The following RFT1 variants were observed in gnomAD, a reference collection of about 807,000 sequenced individuals.
The protein encoded by RFT1 is man(5)GlcNAc(2)-PP-dolichol translocation protein RFT1.
In RFT1, 43 loss-of-function variants were observed where a neutral mutation model predicts 62.2. The observed-to-expected ratio is 0.69, with a 90% confidence interval of 0.54 to 0.89. The LOEUF is 0.89. Ranked by LOEUF, RFT1 falls within the 40% of genes least tolerant of loss-of-function variation. The pLI is 0.00. For synonymous variants in RFT1, 262 were observed against 264.6 expected (o/e 0.99, Z 0.10); for missense variants, 605 against 649.9 (o/e 0.93, Z 0.75).
intron 2 of RFT1, among the ~76,000 whole-genome samples, chr3:53,125,637 T>G (rs1032536197): frequency 6.6e-5 from 10 of 152,264 alleles, no homozygotes; most frequent in African/African-American, 2.4e-4. Context: ...TTCTCCTTCC[T>G]GACTTCCAAG....
At chr3:53,067,203 G>T in the RFT1 span, among the ~76,000 whole-genome samples, 1 of 152,072 alleles carries the variant, frequency 6.6e-6, no homozygotes, top group African/African-American at 2.4e-5. Flanking sequence ...AAAATCAGCC[G>T]GGCACGGTGG....
chr3:53,100,985 C>T (rs1256933270), intron 10 of RFT1, among the ~76,000 whole-genome samples: 3 of 151,796 alleles, frequency 2.0e-5, no homozygotes, highest in Middle Eastern at 3.2e-3. Context: ...AAACACATAA[C>T]CACTGAAAGA....
At chr3:53,072,915 CTGCCTGCTCTAG>C in the RFT1 span, among the ~76,000 whole-genome samples, 6,057 of 152,342 alleles carry the variant, frequency 0.04, 417 homozygotes, top group African/African-American at 0.14. Context: ...ACCGCCCTCT[CTGCCTGCTCTAG>C]TGCCTGCCGC....
At chr3:53,130,154 C>T (rs1011480981) in intron 1 of RFT1, among the ~76,000 whole-genome samples, 184 bp downstream of exon 1, 10 of 152,236 alleles carry the variant, frequency 6.6e-5, no homozygotes, top group African/African-American at 2.2e-4. Flanking sequence ...AGGCAGGCTC[C>T]TATCTCCGGG....
At chr3:53,074,598 G>A in the RFT1 span, among the ~76,000 whole-genome samples, 482 of 152,258 alleles carry the variant, frequency 3.2e-3, 8 homozygotes, top group East Asian at 0.021. Flanking sequence ...CCTGGGCCCA[G>A]GTTGGCAGAG....
chr3:53,117,225 T>C (rs998194284), intron 6 of RFT1, among the ~76,000 whole-genome samples: 3 of 152,248 alleles, frequency 2.0e-5, no homozygotes, highest in African/African-American at 7.2e-5. Context: ...GTGTAGTGCA[T>C]GGCACAAAAC....
At chr3:53,083,952 TTCTTG>T (rs1376533741), downstream of RFT1, among the ~76,000 whole-genome samples, 1 of 152,266 alleles carries the variant, frequency 6.6e-6, no homozygotes, top group African/African-American at 2.4e-5. Flanking sequence ...GTTCATAAAA[TTCTTG>T]TGTTAATGTC....
At chr3:53,127,190 G>A (rs543595680) in intron 1 of RFT1, among the ~76,000 whole-genome samples, 150 of 152,198 alleles carry the variant, frequency 9.9e-4, no homozygotes, top group Admixed American at 4.1e-3. Context: ...GCCGAGGCGG[G>A]TGGATCAACT....
At chr3:53,087,333 C>A (rs935165979), downstream of RFT1, among the ~76,000 whole-genome samples, 2 of 152,122 alleles carry the variant, frequency 1.3e-5, no homozygotes, top group Non-Finnish European at 2.9e-5. Flanking sequence ...TAAGACTAGG[C>A]CAGGGATCAT....
At chr3:53,084,818 AT>A (rs1700824596), downstream of RFT1, among the ~76,000 whole-genome samples, 1 of 152,190 alleles carries the variant, frequency 6.6e-6, no homozygotes, top group Admixed American at 6.5e-5. Context: ...GAGAGAAGAA[AT>A]GTGACAGGGA....
chr3:53,115,685 T>C (rs1172350633), intron 6 of RFT1, among the ~76,000 whole-genome samples: 1 of 152,246 alleles, frequency 6.6e-6, no homozygotes, highest in African/African-American at 2.4e-5. Flanking sequence ...CGAATGCCCA[T>C]CTCTACCACA....
At chr3:53,099,582 T>C in intron 10 of RFT1, 96 bp from the exon 11 acceptor site, 1 of 901,704 alleles carries the variant, frequency 1.1e-6, no homozygotes, top group Admixed American at 1.9e-5. Context: ...AGAACCAGAC[T>C]ATGAGGTCTG....
chr3:53,117,979 A>C (rs1158843614), intron 6 of RFT1, among the ~76,000 whole-genome samples: 1 of 152,068 alleles, frequency 6.6e-6, no homozygotes, highest in Non-Finnish European at 1.5e-5. Flanking sequence ...TGCAGCCTTG[A>C]CCTGTGCTCA....
the RFT1 span, among the ~76,000 whole-genome samples, chr3:53,069,432 C>A: frequency 6.6e-6 from 1 of 151,482 alleles, no homozygotes; most frequent in Non-Finnish European, 1.5e-5. Flanking sequence ...GTATAAAGAT[C>A]TACAAATGAA....
At chr3:53,067,597 T>C in the RFT1 span, among the ~76,000 whole-genome samples, 1 of 152,180 alleles carries the variant, frequency 6.6e-6, no homozygotes, top group Non-Finnish European at 1.5e-5. Context: ...GTAAAATTCA[T>C]TGAGCTGTAT....
downstream of RFT1, chr3:53,088,336 C>T (rs1422054327): frequency 6.6e-6 from 1 of 152,210 alleles, no homozygotes; most frequent in African/African-American, 2.4e-5. Context: ...GAAGCCCAGT[C>T]CCAGCTACAA....
At chr3:53,102,499 A>G (rs1701346033) in intron 10 of RFT1, among the ~76,000 whole-genome samples, 1 of 152,204 alleles carries the variant, frequency 6.6e-6, no homozygotes, top group African/African-American at 2.4e-5. Context: ...AAGGATAGAA[A>G]AGCTAGGTGT....
At chr3:53,080,583 AC>A in the RFT1 span, among the ~76,000 whole-genome samples, 2 of 152,262 alleles carry the variant, frequency 1.3e-5, no homozygotes, top group Non-Finnish European at 2.9e-5. Flanking sequence ...GGGGAAACAA[AC>A]GATTCCAGGG....
chr3:53,084,552 G>A (rs1273998530), downstream of RFT1, among the ~76,000 whole-genome samples: 5 of 152,178 alleles, frequency 3.3e-5, no homozygotes, highest in East Asian at 1.9e-4. Flanking sequence ...TAATGCAGCC[G>A]TGTCTTAATT....
Sources: gnomAD v4.1 joint callset for allele counts (sites outside exome capture counted in the v4.1 genomes callset) on GRCh38, gnomAD v4.1.1 for gene constraint, MANE v1.5 for transcripts, NCBI Gene and HGNC (gene_info 2026-07-23, HGNC 2026-07-21) for gene names.